Variants in PGA5 observed in about 807,000 individuals in gnomAD.
PGA5 encodes the protein pepsinogen A5.
A neutral mutation model predicts 15.9 loss-of-function variants in PGA5; 19 were observed. That is an observed-to-expected ratio of 1.19 (90% CI 0.83 to 1.75). PGA5 has a LOEUF of 1.75. PGA5 is among the 40% of genes most tolerant of loss of function. The probability of loss-of-function intolerance (pLI) is 0.00; values close to 1 mark genes in which losing one functional copy is unlikely to be tolerated. For synonymous variants in PGA5, 92 were observed against 95.8 expected (o/e 0.96, Z 0.23); for missense variants, 224 against 246.4 (o/e 0.91, Z 0.61).
chr11:61,248,138 C>A (rs951915940), intron 5 of PGA5: 1 of 728,376 alleles, frequency 1.4e-6, no homozygotes, highest in African/African-American at 1.7e-5. Flanking sequence ...AACTATAAGG[C>A]CTGTGTTCTT....
intron 8 of PGA5, 141 bp from the exon 9 acceptor site, chr11:61,250,991 C>A: frequency 1.3e-6 from 2 of 1,520,630 alleles, no homozygotes; most frequent in South Asian, 1.2e-5. Context: ...CAAGAACAGC[C>A]GAATCCCTGG....
At chr11:61,248,062 T>A in intron 5 of PGA5, 2 of 616,158 alleles carry the variant, frequency 3.2e-6, no homozygotes, top group Admixed American at 5.6e-5. Flanking sequence ...GACACTGTCA[T>A]GCATTCACTT....
chr11:61,248,362 T>C, intron 5 of PGA5, 57 bp from the exon 6 acceptor site: 2 of 1,613,822 alleles, frequency 1.2e-6, no homozygotes, highest in Non-Finnish European at 1.7e-6. Flanking sequence ...CAACAGCAGA[T>C]GGTCACACAA....
chr11:61,251,329 A>G lies in PGA5; in HGVS notation c.*48A>G, dbSNP rs601186. 775 of 1,611,174 alleles carry G rather than the reference A, an allele frequency of 4.8e-4. 4 individuals are homozygous for G. Among genetic ancestry groups the G allele is most frequent in the South Asian group, 3.1e-3 (283 of 90,814 alleles). On this transcript the variant is annotated 3_prime_UTR_variant, in exon 9 of 9. Transcript: ENST00000312403. ...CCCAGGAAGATCTGGCCTCCGTCCT[A>G]TGCCCACTTTAGATGTATCTAATTC...
chr11:61,249,511 A>C, intron 6 of PGA5, 158 bp from the exon 7 acceptor site: 1 of 1,365,612 alleles, frequency 7.3e-7, no homozygotes, highest in Non-Finnish European at 1.0e-6. Flanking sequence ...AGGGTAAATG[A>C]ATGCGGGATG....
At chr11:61,248,301 C>A (rs765878893) in intron 5 of PGA5, 118 bp from the exon 6 acceptor site, 5 of 1,611,890 alleles carry the variant, frequency 3.1e-6, no homozygotes, top group Non-Finnish European at 4.2e-6. Context: ...ACATTGGTCA[C>A]ACCCCAGGAC....
intron 7 of PGA5, 47 bp downstream of exon 7, chr11:61,249,860 T>A: frequency 6.2e-7 from 1 of 1,613,670 alleles, no homozygotes; most frequent in Non-Finnish European, 8.5e-7. Flanking sequence ...GTAGTGGGTG[T>A]GCCAGGCAGA....
chr11:61,246,597 A>G (rs1854067916), intron 5 of PGA5, among the ~76,000 whole-genome samples: 1 of 151,790 alleles, frequency 6.6e-6, no homozygotes, highest in Non-Finnish European at 1.5e-5. Flanking sequence ...CCCTGTCTCT[A>G]CTAAAAAATA....
rs183558760 is a variant in PGA5 at position 61,247,342 on chromosome 11, T to C, written c.657-1077T>C. 2.6e-5 allele frequency among the ~76,000 whole-genome samples: 4 copies of C among 151,464 alleles called. No homozygotes were observed. The East Asian group carries it at 7.7e-4, about 29-fold the overall frequency. ...CGCCCAGGCTGGAGTGCAGTGGCGC[T>C]ATCTCGCCTCACTGCAAGCTCTGCC... On this transcript the variant is annotated intron_variant, in intron 5 of 8. Coordinates refer to ENST00000312403, the MANE Select transcript of PGA5 (RefSeq NM_014224.5).
chr11:61,250,727 G>A (rs552194043), intron 8 of PGA5: 19 of 468,614 alleles, frequency 4.1e-5, no homozygotes, highest in Middle Eastern at 3.2e-4. Context: ...AGACAAGGTC[G>A]CAGCCCAGTG....
At chr11:61,247,526 C>T (rs1266237239) in intron 5 of PGA5, among the ~76,000 whole-genome samples, 1 of 151,994 alleles carries the variant, frequency 6.6e-6, no homozygotes, top group Non-Finnish European at 1.5e-5. Context: ...ATCCACCTGC[C>T]TTGGCCTCAC....
intron 6 of PGA5, chr11:61,249,410 G>A: frequency 4.6e-6 from 3 of 647,766 alleles, no homozygotes; most frequent in African/African-American, 1.8e-5. Context: ...GCTAGGCCGG[G>A]AGCTCCCTGC....
chr11:61,249,109 A>C (rs1854105390), intron 6 of PGA5, among the ~76,000 whole-genome samples: 1 of 151,872 alleles, frequency 6.6e-6, no homozygotes, highest in South Asian at 2.1e-4. Context: ...CAGTACTAAA[A>C]CTGGGACCAG....
In PGA5 at chr11:61,249,906, C is replaced by T. The variant is rs1051062352; in HGVS notation, c.919-10C>T. 2.5e-6 allele frequency: 4 copies of T among 1,613,614 alleles called. No homozygotes were observed. Among genetic ancestry groups the T allele is most frequent in the Non-Finnish European group, 3.4e-6 (4 of 1,179,860 alleles). ...ACCCTTCTAACTTTTCTCACCCTCACTCTTTCCAGATGGTGGTCAGCTGCT... is the reference window on the plus strand; with the variant it reads ...ACCCTTCTAACTTTTCTCACCCTCATTCTTTCCAGATGGTGGTCAGCTGCT... On this transcript the variant is annotated splice_polypyrimidine_tract_variant and intron_variant, in intron 7 of 8. Coordinates refer to ENST00000312403, the MANE Select transcript of PGA5 (RefSeq NM_014224.5).
chr11:61,248,262 T>C, intron 5 of PGA5, 157 bp from the exon 6 acceptor site: 1 of 1,569,246 alleles, frequency 6.4e-7, no homozygotes, highest in South Asian at 1.1e-5. Flanking sequence ...GCCCACTGCA[T>C]GGGCCCTGGC....
intron 8 of PGA5, among the ~76,000 whole-genome samples, chr11:61,250,911 A>C (rs1264973107): frequency 2.0e-5 from 3 of 151,892 alleles, no homozygotes; most frequent in Non-Finnish European, 4.4e-5. Context: ...TGCCAGAAAC[A>C]CCAGATAATG....
At position 61,247,474 on chromosome 11, in the gene PGA5, T is replaced by G. The variant is rs187283622; in HGVS notation, c.657-945T>G. Reference sequence around the variant, plus strand: ...TTGTATTTTTAGTAGAGATGGGGTTTCACCCTGTTAGCCAGGATGGTCTCC... The same window carrying G: ...TTGTATTTTTAGTAGAGATGGGGTTGCACCCTGTTAGCCAGGATGGTCTCC... On this transcript the variant is annotated intron_variant, in intron 5 of 8. Transcript: ENST00000312403. 2.5e-3 allele frequency among the ~76,000 whole-genome samples: 386 copies of G among 152,030 alleles called. 3 individuals are homozygous for G. The East Asian group carries it at 0.041, about 16-fold the overall frequency.
rs1854138212 is a variant in PGA5, at chr11:61,251,268, C to T, written c.1154C>T (p.Ala385Val). ...AGGGCAAACAACCAGGTCGGCCTGGCCCCTGTGGCTTAAGCCTAAGTCTCT... is the reference window on the plus strand; with the variant it reads ...AGGGCAAACAACCAGGTCGGCCTGGTCCCTGTGGCTTAAGCCTAAGTCTCT... Reference protein sequence around the residue: ...FDRANNQVGLAPVA With the variant: ...FDRANNQVGLVPVA Residue 385 changes from alanine (A) to valine (V), a missense_variant, in exon 9 of 9, where the codon GCC becomes GTC. Transcript: ENST00000312403. The T allele has an allele frequency of 6.2e-7, 1 of 1,611,742 alleles. No individual in the cohort carries two copies. Among genetic ancestry groups the T allele is most frequent in the Non-Finnish European group, 8.5e-7 (1 of 1,179,880 alleles).
Position 61,251,385 on chromosome 11 carries a change from G to T in PGA5, c.*104G>T. The T allele has an allele frequency of 6.3e-7, 1 of 1,575,630 alleles. No individual in the cohort carries two copies. The highest frequency in any genetic ancestry group is 8.6e-7 in the Non-Finnish European group (1 of 1,162,722). Reference sequence around the variant, plus strand: ...ACTGTTCTTCCCAGGGGAGTGTGAAGGTCTTGGCCCTGTTCCCTGTCCTAC... The same window carrying T: ...ACTGTTCTTCCCAGGGGAGTGTGAATGTCTTGGCCCTGTTCCCTGTCCTAC... On this transcript the variant is annotated 3_prime_UTR_variant, in exon 9 of 9. Transcript: ENST00000312403.
Sources: allele counts gnomAD v4.1 joint callset (sites outside exome capture counted in the v4.1 genomes callset), GRCh38; gene constraint gnomAD v4.1.1; transcripts MANE v1.5; gene names NCBI Gene and HGNC (gene_info 2026-07-23, HGNC 2026-07-21).